The following CSF1R variants were observed in gnomAD, a reference collection of about 807,000 sequenced individuals.
CSF1R encodes the protein colony stimulating factor 1 receptor, also known as macrophage colony-stimulating factor 1 receptor.
Under a neutral mutation model 110.0 loss-of-function variants are expected in CSF1R, and 40 were observed. The observed-to-expected ratio is 0.36, with a 90% CI of 0.28 to 0.47. CSF1R has a LOEUF of 0.47. CSF1R is among the 20% of genes least tolerant of loss of function. The pLI is 0.99. For missense variants in CSF1R, 1,052 were observed against 1,253.0 expected (o/e 0.84, Z 2.42); for synonymous variants, 523 against 503.4 (o/e 1.04, Z -0.52).
chr5:150,095,370 A>G (rs1226147739), intron 1 of CSF1R, among the ~76,000 whole-genome samples: 1 of 152,200 alleles, frequency 6.6e-6, no homozygotes, highest in African/African-American at 2.4e-5. Flanking sequence ...AAGATATACC[A>G]TATTCTATCA....
chr5:150,064,321 GAGAC>G (rs1483900527), intron 10 of CSF1R, among the ~76,000 whole-genome samples: 1 of 152,222 alleles, frequency 6.6e-6, no homozygotes, highest in Admixed American at 6.5e-5. Context: ...TTTAAAGAGA[GAGAC>G]AGGGAGAAAG....
rs1167559481 is a variant in CSF1R, at chr5:150,070,321, G to A, written c.1199-19C>T. On this transcript the variant is annotated intron_variant, in intron 7 of 20. Coordinates refer to ENST00000675795, the MANE Select transcript of CSF1R (RefSeq NM_001288705.3). Reference sequence around the variant, plus strand: ...GGGGGGTCTGAGGAAGAAAGGAGGAGGCCCCAAGTCACACTTTCCCCGCCA... The same window carrying A: ...GGGGGGTCTGAGGAAGAAAGGAGGAAGCCCCAAGTCACACTTTCCCCGCCA... 1 of 1,611,834 alleles carries A rather than the reference G, an allele frequency of 6.2e-7. No individual in the cohort carries two copies. Among genetic ancestry groups the A allele is most frequent in the Non-Finnish European group, 8.5e-7 (1 of 1,178,746 alleles).
chr5:150,070,253 G>C lies in CSF1R; in HGVS notation c.1248C>G (p.Thr416=). 6.2e-7 allele frequency: 1 copy of C among 1,614,168 alleles called. No homozygotes were observed. Among genetic ancestry groups the C allele is most frequent in the Non-Finnish European group, 8.5e-7 (1 of 1,180,020 alleles). ...GGTACCCAGAGGCAGCACACAAAAG[G>C]GTGCCAGAGCCGTTGATGAATGTCC... ...VIWTFINGSG[T]LLCAASGYPQ... The change falls in exon 8 of 21, where the codon ACC becomes ACG. Residue 416 remains threonine, a synonymous_variant. Transcript: ENST00000675795.
At chr5:150,112,090 T>C (rs1367401923) in intron 1 of CSF1R, among the ~76,000 whole-genome samples, 1 of 149,518 alleles carries the variant, frequency 6.7e-6, no homozygotes, top group African/African-American at 2.5e-5. Context: ...GAAAATGTAA[T>C]TGTGTTACCC....
At chr5:150,085,450 C>T (rs111520905) in intron 1 of CSF1R, among the ~76,000 whole-genome samples, 1 of 152,004 alleles carries the variant, frequency 6.6e-6, no homozygotes, top group African/African-American at 2.4e-5. Context: ...TCCCCATCCT[C>T]CCCCAAGGTC....
At chr5:150,092,070 T>G (rs1320065553) in intron 1 of CSF1R, among the ~76,000 whole-genome samples, 1 of 152,192 alleles carries the variant, frequency 6.6e-6, no homozygotes, top group Non-Finnish European at 1.5e-5. Flanking sequence ...GACCAAATAG[T>G]AAGTATTTTA....
chr5:150,056,292 T>C lies in CSF1R; in HGVS notation c.2369A>G (p.His790Arg). Residue 790 changes from histidine (H) to arginine (R), a missense_variant, in exon 17 of 21, where the codon CAT (histidine) becomes CGT (arginine). His to Arg is a conservative substitution (Grantham distance 29). Around this residue, in one of 5 missense-constraint regions of CSF1R, gnomAD observed 74 missense variants for 187.4 expected, o/e 0.39. Coordinates refer to ENST00000675795, the MANE Select transcript of CSF1R (RefSeq NM_001288705.3). ...CCCGAAGTCCCCAATCTTGGCCACA[T>C]GACCATTGGTCAACAGCACGTTACG... ...AARNVLLTNG[H>R]VAKIGDFGLA... The C allele has an allele frequency of 1.2e-6, 2 of 1,614,122 alleles. No individual in the cohort carries two copies.
chr5:150,091,740 T>C (rs1046221447), intron 1 of CSF1R, among the ~76,000 whole-genome samples: 14 of 151,756 alleles, frequency 9.2e-5, no homozygotes, highest in Non-Finnish European at 1.3e-4. Context: ...CTTAAAATGG[T>C]TAATGTTTAA....
At chr5:150,077,733 C>T (rs944453562) in intron 4 of CSF1R, among the ~76,000 whole-genome samples, 18 of 152,198 alleles carry the variant, frequency 1.2e-4, no homozygotes, top group Admixed American at 1.2e-3. Flanking sequence ...CCTCCTCCCT[C>T]TCTCCCAATG....
chr5:150,061,638 G>C lies in CSF1R; in HGVS notation c.1754-43C>G, dbSNP rs761502062. 4.3e-6 allele frequency: 7 copies of C among 1,613,990 alleles called. 1 individual carries two copies. The South Asian group carries it at 7.7e-5, about 18-fold the overall frequency. ...CCCTTAAGTCCCTGGGCACCAAAGG[G>C]CCTCTGTCCAAGGGCCCATGGGCTC... On this transcript the variant is annotated intron_variant, in intron 11 of 20. Coordinates refer to ENST00000675795, the MANE Select transcript of CSF1R (RefSeq NM_001288705.3).
At chr5:150,105,323 G>A (rs1759513381) in intron 1 of CSF1R, among the ~76,000 whole-genome samples, 1 of 139,184 alleles carries the variant, frequency 7.2e-6, no homozygotes, top group Non-Finnish European at 1.5e-5. Flanking sequence ...ACTCCAGCCT[G>A]GGTGACAGAG....
chr5:150,098,678 G>A (rs1239996008), intron 1 of CSF1R, among the ~76,000 whole-genome samples: 1 of 151,924 alleles, frequency 6.6e-6, no homozygotes. Flanking sequence ...GAAAATAAAT[G>A]ATTCAGTAAA....
At chr5:150,098,491 A>C (rs1161875103) in intron 1 of CSF1R, 2 of 152,828 alleles carry the variant, frequency 1.3e-5, no homozygotes, top group Middle Eastern at 3.4e-3. Context: ...CCACTGTTTC[A>C]CTTGGCTTAC....
intron 1 of CSF1R, among the ~76,000 whole-genome samples, chr5:150,093,988 G>C (rs192307548): frequency 1.1e-3 from 168 of 151,930 alleles, no homozygotes; most frequent in Middle Eastern, 0.01. Context: ...GCTTAAACCT[G>C]GGAGGCAGAG....
Position 150,080,250 on chromosome 5 carries a change from G to C in CSF1R, c.394C>G (p.Pro132Ala), listed in dbSNP as rs769905192. The change falls in exon 3 of 21, where the codon CCG becomes GCG. Residue 132 changes from proline (P) to alanine (A), a missense_variant. Pro to Ala is a conservative substitution (Grantham distance 27, BLOSUM62 -1). Coordinates refer to ENST00000675795, the MANE Select transcript of CSF1R (RefSeq NM_001288705.3). ...DALLPCLLTD[P>A]VLEAGVSLVR... is the part of the protein sequence containing the mutation. ...AGCGAGACGCCTGCTTCCAGCACCG[G>C]GTCTGTGAGCAGACAGGGCAGTAGT... is the stretch of plus-strand genomic sequence containing the variant. 1.9e-6 allele frequency: 3 copies of C among 1,613,858 alleles called. No individual in the cohort carries two copies. The East Asian group carries it at 6.7e-5, about 36-fold the overall frequency.
At chr5:150,089,783 A>G (rs1758976831), upstream of CSF1R, among the ~76,000 whole-genome samples, 1 of 152,232 alleles carries the variant, frequency 6.6e-6, no homozygotes, top group Non-Finnish European at 1.5e-5. Flanking sequence ...AAAACCTACT[A>G]TAAAACTACA....
Position 150,057,487 on chromosome 5 carries a change from C to A in CSF1R, c.2221+17G>T, listed in dbSNP as rs1425502594. 1.9e-6 allele frequency: 3 copies of A among 1,613,578 alleles called. No homozygotes were observed. The highest frequency in any genetic ancestry group is 2.5e-6 in the Non-Finnish European group (3 of 1,179,474). On this transcript the variant is annotated intron_variant, in intron 15 of 20. Coordinates refer to ENST00000675795, the MANE Select transcript of CSF1R (RefSeq NM_001288705.3). Reference sequence around the variant, plus strand: ...TTGTTATCAAGCAAATGGGGCCTGGCCCTGGGACCTCCTCACCTTGCTCAG... The same window carrying A: ...TTGTTATCAAGCAAATGGGGCCTGGACCTGGGACCTCCTCACCTTGCTCAG...
At chr5:150,104,251 G>A (rs1759484031) in intron 1 of CSF1R, among the ~76,000 whole-genome samples, 1 of 152,250 alleles carries the variant, frequency 6.6e-6, no homozygotes, top group Non-Finnish European at 1.5e-5. Flanking sequence ...ATGTTTAGGT[G>A]GAGGAGGGGT....
At chr5:150,055,089 A>T in intron 19 of CSF1R, 148 bp downstream of exon 19, 1 of 672,288 alleles carries the variant, frequency 1.5e-6, no homozygotes, top group Non-Finnish European at 2.6e-6. Flanking sequence ...CTTGAACTCA[A>T]AAGGGGCTTG....
Sources: allele counts gnomAD v4.1 joint callset (sites outside exome capture counted in the v4.1 genomes callset), GRCh38; gene constraint gnomAD v4.1.1; regional missense constraint gnomAD v4.1.1; transcripts MANE v1.5; gene names NCBI Gene and HGNC (gene_info 2026-07-23, HGNC 2026-07-21).